The following MDN1 variants were observed in gnomAD, a reference collection of about 807,000 sequenced individuals.
MDN1 encodes midasin AAA ATPase 1, also known as midasin.
MDN1 carries 266 observed loss-of-function variants against 669.2 expected under a neutral mutation model. The ratio of observed to expected loss-of-function variants is 0.40; its 90% CI spans 0.36 to 0.44. The LOEUF is 0.44. MDN1 is among the 20% of genes least tolerant of loss of function. MDN1 has a pLI of 1.00. For missense variants in MDN1, 5,940 were observed against 6,754.0 expected (o/e 0.88, Z 4.22); for synonymous variants, 2,385 against 2,457.1 (o/e 0.97, Z 0.87).
intron 24 of MDN1, 124 bp downstream of exon 24, chr6:89,750,230 A>G (rs1344945978): frequency 5.1e-6 from 5 of 985,450 alleles, no homozygotes; most frequent in Non-Finnish European, 7.5e-6. Flanking sequence ...TCAGGCATCA[A>G]GAAAAGCCGG....
intron 25 of MDN1, 23 bp downstream of exon 25, chr6:89,749,520 G>C: frequency 6.2e-7 from 1 of 1,611,274 alleles, no homozygotes; most frequent in Non-Finnish European, 8.5e-7. Context: ...ACAAATTGAA[G>C]GAAGGAGACA....
At chr6:89,740,815 TAAGAG>T (rs1816253187) in intron 31 of MDN1, among the ~76,000 whole-genome samples, 3 of 152,254 alleles carry the variant, frequency 2.0e-5, no homozygotes, top group East Asian at 1.9e-4. Context: ...CAATGCAAAG[TAAGAG>T]AAGAGAACTT....
chr6:89,704,404 G>A (rs897599266), intron 53 of MDN1, among the ~76,000 whole-genome samples: 1 of 152,204 alleles, frequency 6.6e-6, no homozygotes, highest in Admixed American at 6.5e-5. Context: ...GGAAAACAGA[G>A]TTTGATGACT....
intron 79 of MDN1, 148 bp downstream of exon 79, chr6:89,673,955 CA>C: frequency 1.4e-6 from 1 of 702,622 alleles, no homozygotes; most frequent in Non-Finnish European, 2.2e-6. Context: ...CACCCCACCC[CA>C]TCCCCCAAAC....
chr6:89,715,789 A>G lies in MDN1; in HGVS notation c.6744-20T>C, dbSNP rs369656751. 1.3e-6 allele frequency: 2 copies of G among 1,500,662 alleles called. No individual in the cohort carries two copies. The highest frequency in any genetic ancestry group is 2.3e-5 in the South Asian group (2 of 88,766). The allele number at this position is 1,500,662 out of a possible 1,614,324, so 93.0% of individuals were successfully genotyped here. ...GATGGGCTGCAGAGACAGAATTCAG[A>G]TGGTGGATAGGCTGACATGCTGCAT... On this transcript the variant is annotated intron_variant, in intron 44 of 101. Coordinates refer to ENST00000369393, the MANE Select transcript of MDN1 (RefSeq NM_014611.3).
At chr6:89,764,077 G>A (rs1328479325) in intron 15 of MDN1, among the ~76,000 whole-genome samples, 6 of 152,142 alleles carry the variant, frequency 3.9e-5, no homozygotes, top group Admixed American at 3.9e-4. Context: ...TTAGCTAGGT[G>A]TGGTGATGCA....
chr6:89,779,391 C>A (rs996945610), intron 11 of MDN1, among the ~76,000 whole-genome samples: 2 of 152,160 alleles, frequency 1.3e-5, no homozygotes, highest in Non-Finnish European at 2.9e-5. Flanking sequence ...CACATACATG[C>A]TCCCATCATA....
chr6:89,734,426 A>G (rs952221941), intron 33 of MDN1, among the ~76,000 whole-genome samples: 7 of 152,090 alleles, frequency 4.6e-5, no homozygotes, highest in African/African-American at 1.7e-4. Flanking sequence ...GCCAGGCACC[A>G]TGGCTCCTAT....
chr6:89,688,064 A>G lies in MDN1; in HGVS notation c.11355+14T>C, dbSNP rs765823332. On this transcript the variant is annotated intron_variant, in intron 67 of 101. Transcript: ENST00000369393. ...GACCACCAACTAAAATGAGGAAGAG[A>G]GGTATTAGCTCACCTGTGCCTTTGC... 1.9e-6 allele frequency: 3 copies of G among 1,600,348 alleles called. No homozygotes were observed. Among genetic ancestry groups the G allele is most frequent in the Non-Finnish European group, 1.7e-6 (2 of 1,167,600 alleles).
At chr6:89,768,778 C>T (rs1250596640) in intron 15 of MDN1, among the ~76,000 whole-genome samples, 1 of 151,772 alleles carries the variant, frequency 6.6e-6, no homozygotes, top group Non-Finnish European at 1.5e-5. Flanking sequence ...AAATAAAATC[C>T]AAGACCAGCT....
rs537041332 is a variant in MDN1, at chr6:89,678,376, G to A, written c.12412+223C>T. On this transcript the variant is annotated intron_variant, in intron 75 of 101. Coordinates refer to ENST00000369393, the MANE Select transcript of MDN1 (RefSeq NM_014611.3). Reference sequence around the variant, plus strand: ...ATAAATAAATAAAAATATAGATTCCGAGAAACCTCATACAAAGCGGGAAAT... The same window carrying A: ...ATAAATAAATAAAAATATAGATTCCAAGAAACCTCATACAAAGCGGGAAAT... 6.6e-5 allele frequency among the ~76,000 whole-genome samples: 10 copies of A among 152,124 alleles called. No individual in the cohort carries two copies. In the South Asian group the frequency reaches 1.3e-3, roughly 19 times the overall value.
Position 89,726,269 on chromosome 6 carries a change from G to A in MDN1, c.5473-873C>T, listed in dbSNP as rs910703124. Among the ~76,000 whole-genome samples the A allele has an allele frequency of 2.2e-4, 34 of 151,810 alleles. 1 individual carries two copies. In the Middle Eastern group the frequency reaches 0.01, roughly 46 times the overall value. On this transcript the variant is annotated intron_variant, in intron 37 of 101. Coordinates refer to ENST00000369393, the MANE Select transcript of MDN1 (RefSeq NM_014611.3). The stretch of plus-strand genomic sequence containing the variant: ...TGAGGCCAGGAGTTCAAGACCAGGC[G>A]GGCCAACATAGCGAAACCTTGTCTC...
At chr6:89,781,854 G>A (rs1480830011) in intron 9 of MDN1, among the ~76,000 whole-genome samples, 3 of 152,138 alleles carry the variant, frequency 2.0e-5, no homozygotes, top group Admixed American at 1.3e-4. Context: ...GCACGGTGCC[G>A]TGTGCCTGTA....
intron 70 of MDN1, among the ~76,000 whole-genome samples, chr6:89,685,213 G>A (rs543454742): frequency 2.0e-5 from 3 of 151,832 alleles, no homozygotes; most frequent in Non-Finnish European, 4.4e-5. Context: ...TGTAACAGAT[G>A]TTTTTTTGCA....
chr6:89,732,524 C>A, intron 34 of MDN1, 33 bp downstream of exon 34: 1 of 1,595,956 alleles, frequency 6.3e-7, no homozygotes. Context: ...TCTATACGAG[C>A]CCCTTGTCCC....
chr6:89,735,422 G>A (rs1815908501), intron 33 of MDN1, among the ~76,000 whole-genome samples: 1 of 147,768 alleles, frequency 6.8e-6, no homozygotes, highest in Non-Finnish European at 1.5e-5. Context: ...TGCCCAGGCT[G>A]GAGTGCAATG....
At position 89,692,929 on chromosome 6, in the gene MDN1, G is replaced by C; in HGVS notation, c.10101C>G (p.Ser3367Arg). The C allele has an allele frequency of 6.2e-7, 1 of 1,614,194 alleles. No homozygotes were observed. The highest frequency in any genetic ancestry group is 8.5e-7 in the Non-Finnish European group (1 of 1,180,026). Residue 3367 changes from serine to arginine, a missense_variant, in exon 63 of 102, where the codon AGC becomes AGG. Physicochemically the swap from Ser to Arg is moderately radical, Grantham distance 110. Coordinates refer to ENST00000369393, the MANE Select transcript of MDN1 (RefSeq NM_014611.3). Reference sequence around the variant, plus strand: ...GCCAAGAGGCCTCCTCCTTTAGAAGGCTCTGGGCTACTTGGGCAGACCGTG... The same window carrying C: ...GCCAAGAGGCCTCCTCCTTTAGAAGCCTCTGGGCTACTTGGGCAGACCGTG... ...DGPRSAQVAQSLLKEEASWQQ... is the reference protein window; with the variant it reads ...DGPRSAQVAQRLLKEEASWQQ...
At position 89,667,912 on chromosome 6, in the gene MDN1, T is replaced by G. The variant is rs1810375471; in HGVS notation, c.14094+102A>C. 29 of 1,432,296 alleles carry G rather than the reference T, an allele frequency of 2.0e-5. 1 individual carries two copies. In the South Asian group the frequency reaches 4.0e-4, roughly 20 times the overall value. 88.7% of individuals were successfully genotyped at this position (1,432,296 alleles called of 1,614,324 possible). A position where few individuals can be genotyped will look rare whatever the true frequency, so the allele number is the denominator to read the frequency against. On this transcript the variant is annotated intron_variant, in intron 84 of 101. Transcript: ENST00000369393. ...ATCTAGGGCTCTGTAGATCACAGATTAAAAATTATTAACCTAGTAAAAACC... is the reference window on the plus strand; with the variant it reads ...ATCTAGGGCTCTGTAGATCACAGATGAAAAATTATTAACCTAGTAAAAACC...
At chr6:89,675,366 A>G in intron 78 of MDN1, 98 bp downstream of exon 78, 1 of 959,934 alleles carries the variant, frequency 1.0e-6, no homozygotes, top group Admixed American at 2.3e-5. Context: ...CACAATTGAG[A>G]GCATGTCTTA....
Sources: gnomAD v4.1 joint callset for allele counts (sites outside exome capture counted in the v4.1 genomes callset) on GRCh38, gnomAD v4.1.1 for gene constraint, MANE v1.5 for transcripts, NCBI Gene and HGNC (gene_info 2026-07-23, HGNC 2026-07-21) for gene names.